Variants in PTPRT observed in about 807,000 individuals in gnomAD.
PTPRT encodes receptor-type tyrosine-protein phosphatase T.
A neutral mutation model predicts 176.8 loss-of-function variants in PTPRT; 56 were observed. The observed-to-expected ratio is 0.32, with a 90% CI of 0.26 to 0.40. The LOEUF (loss-of-function observed/expected upper bound fraction) is 0.40, where lower values mean the gene tolerates loss of function less well. Among genes scored for constraint, PTPRT ranks in the 10% least tolerant of loss-of-function variants. The probability of loss-of-function intolerance (pLI) is 1.00; values close to 1 mark genes in which losing one functional copy is unlikely to be tolerated. For missense variants in PTPRT, 1,540 were observed against 1,908.2 expected (o/e 0.81, Z 3.60); for synonymous variants, 783 against 739.0 (o/e 1.06, Z -0.96).
chr20:42,805,172 A>C (rs1600763896), intron 2 of PTPRT, among the ~76,000 whole-genome samples: 1 of 152,200 alleles, frequency 6.6e-6, no homozygotes, highest in East Asian at 1.9e-4. Context: ...ACAAACAGAA[A>C]AGTAGAAAGG....
chr20:42,916,716 T>A (rs1376124188), intron 1 of PTPRT, among the ~76,000 whole-genome samples: 2 of 152,234 alleles, frequency 1.3e-5, no homozygotes, highest in African/African-American at 4.8e-5. Flanking sequence ...TGATGGCCAG[T>A]GATGGTGAGC....
chr20:43,120,970 C>A (rs776318175), intron 1 of PTPRT, among the ~76,000 whole-genome samples: 1 of 152,148 alleles, frequency 6.6e-6, no homozygotes, highest in Middle Eastern at 3.2e-3. Flanking sequence ...TAACATGCTA[C>A]CAACATCGCA....
At chr20:42,979,244 C>G (rs1017070003) in intron 1 of PTPRT, among the ~76,000 whole-genome samples, 5 of 151,898 alleles carry the variant, frequency 3.3e-5, no homozygotes, top group Non-Finnish European at 1.5e-5. Flanking sequence ...GTCAAGACAC[C>G]TTTTTGTTGC....
intron 13 of PTPRT, among the ~76,000 whole-genome samples, chr20:42,253,354 C>T (rs982849986): frequency 1.1e-4 from 17 of 152,120 alleles, no homozygotes; most frequent in Admixed American, 4.6e-4. Flanking sequence ...GCCCCAAAAT[C>T]GAAAGGGACT....
At chr20:42,758,425 A>T (rs913537893) in intron 5 of PTPRT, among the ~76,000 whole-genome samples, 23 of 152,202 alleles carry the variant, frequency 1.5e-4, no homozygotes, top group African/African-American at 5.5e-4. Context: ...GGCAGTGATC[A>T]TGAAGGCCAG....
At chr20:42,055,032 C>G in the PTPRT span, among the ~76,000 whole-genome samples, 8 of 152,198 alleles carry the variant, frequency 5.3e-5, no homozygotes, top group Non-Finnish European at 7.3e-5. Context: ...CACATGTATA[C>G]ATATGTAACT....
At chr20:42,084,876 T>A (rs1983722214) in intron 28 of PTPRT, 31 bp from the exon 29 acceptor site, 1 of 1,370,116 alleles carries the variant, frequency 7.3e-7, no homozygotes, top group Admixed American at 2.4e-5. Context: ...AGGGCTGTTC[T>A]GCTGGGGATG....
Position 42,628,441 on chromosome 20 carries a change from C to G in PTPRT, c.1153+49425G>C, listed in dbSNP as rs188678903. Among the ~76,000 whole-genome samples, 197 of 152,212 alleles carry G rather than the reference C, an allele frequency of 1.3e-3. 2 individuals are homozygous for G. The highest frequency in any genetic ancestry group is 3.4e-3 in the Middle Eastern group (1 of 294). ...CCCTATAGCTAGGGAGAGCTCTCTC[C>G]CATAAACTGGCAAATCATTGTTCAA... On this transcript the variant is annotated intron_variant, in intron 7 of 30. Transcript: ENST00000373187.
rs562990505 is a variant in PTPRT, at chr20:42,988,905, AG to A, written c.89-102974del. Among the ~76,000 whole-genome samples the A allele has an allele frequency of 2.6e-5, 4 of 152,324 alleles. No individual in the cohort carries two copies. The East Asian group carries it at 7.7e-4, about 29-fold the overall frequency. On this transcript the variant is annotated intron_variant, in intron 1 of 30. Transcript: ENST00000373187. ...ATGGAATAGTAATAGCTACCTTGCA[AG>A]AAGCACCTGCTACATCTAAGACACT...
At chr20:42,669,237 C>T (rs1437397804) in intron 7 of PTPRT, among the ~76,000 whole-genome samples, 2 of 152,222 alleles carry the variant, frequency 1.3e-5, no homozygotes, top group African/African-American at 4.8e-5. Flanking sequence ...TCTGTGACTG[C>T]CTTCAATCTA....
At chr20:42,450,346 A>T (rs1273401419) in intron 8 of PTPRT, among the ~76,000 whole-genome samples, 1 of 152,136 alleles carries the variant, frequency 6.6e-6, no homozygotes, top group African/African-American at 2.4e-5. Context: ...ACCATTCTGG[A>T]CTCCCCAACA....
intron 1 of PTPRT, among the ~76,000 whole-genome samples, chr20:42,999,474 G>A (rs1380594075): frequency 6.6e-6 from 1 of 152,058 alleles, no homozygotes; most frequent in Non-Finnish European, 1.5e-5. Context: ...CTGAGGGGTG[G>A]GAATGGTGGT....
intron 7 of PTPRT, among the ~76,000 whole-genome samples, chr20:42,658,517 G>T (rs371435795): frequency 6.6e-6 from 1 of 152,156 alleles, no homozygotes; most frequent in African/African-American, 2.4e-5. Flanking sequence ...TTACAGTAGG[G>T]GAGCTGAAAC....
chr20:42,399,382 A>C (rs545730981), intron 9 of PTPRT, among the ~76,000 whole-genome samples: 1 of 152,358 alleles, frequency 6.6e-6, no homozygotes, highest in Admixed American at 6.5e-5. Context: ...CATAGCTTTA[A>C]GCTTGGGCAG....
chr20:42,394,164 C>T (rs1034023537), intron 9 of PTPRT, among the ~76,000 whole-genome samples: 8 of 151,980 alleles, frequency 5.3e-5, no homozygotes, highest in Non-Finnish European at 1.0e-4. Flanking sequence ...CCCCGGCCCT[C>T]TTCTTCACTT....
intron 12 of PTPRT, among the ~76,000 whole-genome samples, chr20:42,311,045 G>C (rs1013652950): frequency 6.6e-6 from 1 of 152,140 alleles, no homozygotes; most frequent in Non-Finnish European, 1.5e-5. Context: ...TCCTCATGCT[G>C]ATAATAGTAA....
chr20:42,215,367 CA>C (rs769680478), intron 15 of PTPRT, among the ~76,000 whole-genome samples: 4 of 152,306 alleles, frequency 2.6e-5, no homozygotes, highest in East Asian at 3.9e-4. Flanking sequence ...CCCTAATTTG[CA>C]GAGTTACTGT....
At chr20:42,505,242 T>C (rs1479287371) in intron 7 of PTPRT, among the ~76,000 whole-genome samples, 1 of 152,132 alleles carries the variant, frequency 6.6e-6, no homozygotes, top group Admixed American at 6.6e-5. Flanking sequence ...TTTTATTTTA[T>C]TGGACAGCCT....
chr20:42,622,328 A>G (rs972128602), intron 7 of PTPRT, among the ~76,000 whole-genome samples: 10 of 150,698 alleles, frequency 6.6e-5, no homozygotes, highest in African/African-American at 2.4e-4. Context: ...TGCAAGCTCC[A>G]CCTCCTGGGT....
Sources: gnomAD v4.1 joint callset for allele counts (sites outside exome capture counted in the v4.1 genomes callset) on GRCh38, gnomAD v4.1.1 for gene constraint, MANE v1.5 for transcripts, NCBI Gene and HGNC (gene_info 2026-07-23, HGNC 2026-07-21) for gene names.